Variants in ZNF676 observed in about 807,000 individuals in gnomAD.
ZNF676 encodes zinc finger protein 676.
ZNF676 carries 4 observed loss-of-function variants against 6.0 expected under a neutral mutation model. The ratio of observed to expected loss-of-function variants is 0.67; its 90% CI spans 0.33 to 1.53. The LOEUF (loss-of-function observed/expected upper bound fraction) is 1.53, where lower values mean the gene tolerates loss of function less well. ZNF676 is among the 40% of genes most tolerant of loss of function. The pLI is 0.06. For missense variants in ZNF676, 644 were observed against 679.7 expected, an observed-to-expected ratio of 0.95 and a Z score of 0.58; for synonymous variants, 198 against 223.1, an observed-to-expected ratio of 0.89 and a Z score of 1.00.
chr19:22,231,750 G>A, the ZNF676 span, among the ~76,000 whole-genome samples: 8 of 151,102 alleles, frequency 5.3e-5, no homozygotes, highest in African/African-American at 7.3e-5. Context: ...CTACAGGCGC[G>A]TGCCACCATG....
At chr19:22,232,947 T>C in the ZNF676 span, among the ~76,000 whole-genome samples, 9 of 152,048 alleles carry the variant, frequency 5.9e-5, no homozygotes, top group Admixed American at 3.9e-4. Context: ...TCTAAAAGTA[T>C]ATGGAATCTA....
chr19:22,179,622 TTTTC>T lies in ZNF676; in HGVS notation c.*324_*327del. 1 of 521,138 alleles carries T rather than the reference TTTTC, an allele frequency of 1.9e-6. No individual in the cohort carries two copies. Among genetic ancestry groups the T allele is most frequent in the Non-Finnish European group, 3.6e-6 (1 of 280,144 alleles). The allele number at this position is 521,138 out of a possible 1,614,324, so 32.3% of individuals were successfully genotyped here. A position where few individuals can be genotyped will look rare whatever the true frequency, so the allele number is the denominator to read the frequency against. On this transcript the variant is annotated 3_prime_UTR_variant, in exon 3 of 3. Coordinates refer to ENST00000397121, the MANE Select transcript of ZNF676 (RefSeq NM_001001411.3). ...GCCACGTTTTTCACATTTGTAGGGC[TTTTC>T]CTCCAGTATGAATTCTTTTATGAGT...
the ZNF676 span, among the ~76,000 whole-genome samples, chr19:22,250,710 C>A: frequency 3.3e-5 from 5 of 150,914 alleles, no homozygotes; most frequent in Admixed American, 3.3e-4. Flanking sequence ...TAAGGAATGT[C>A]ATTTCTTTTT....
the ZNF676 span, among the ~76,000 whole-genome samples, chr19:22,242,317 C>T: frequency 5.3e-5 from 8 of 151,904 alleles, no homozygotes; most frequent in Non-Finnish European, 8.8e-5. Flanking sequence ...AGGCCAAGGG[C>T]TATGTTCCAC....
At chr19:22,210,396 G>T (rs281175) in intron 1 of ZNF676, among the ~76,000 whole-genome samples, 152,109 of 152,242 alleles carry the variant, frequency 1, 75,989 homozygotes, top group Middle Eastern at 1. Flanking sequence ...TGTTTAAAAA[G>T]TGGGGACTCC....
the ZNF676 span, among the ~76,000 whole-genome samples, chr19:22,255,706 G>T: frequency 6.6e-6 from 1 of 151,936 alleles, no homozygotes; most frequent in Non-Finnish European, 1.5e-5. Context: ...TTAGCCAGGC[G>T]TGGTGGCGGG....
intron 1 of ZNF676, among the ~76,000 whole-genome samples, chr19:22,209,197 G>A (rs1446066218): frequency 2.0e-5 from 3 of 152,016 alleles, no homozygotes; most frequent in African/African-American, 7.2e-5. Flanking sequence ...GGGAGGTGGA[G>A]GTTGCAGTGA....
chr19:22,186,180 C>G (rs4578792), intron 2 of ZNF676, among the ~76,000 whole-genome samples: 34,240 of 152,130 alleles, frequency 0.23, 4,336 homozygotes, highest in South Asian at 0.42. Context: ...AACAGTGGAT[C>G]TCTCTGCAGA....
At chr19:22,199,040 C>T (rs1414967082), upstream of ZNF676, among the ~76,000 whole-genome samples, 3 of 149,774 alleles carry the variant, frequency 2.0e-5, no homozygotes, top group Non-Finnish European at 4.4e-5. Flanking sequence ...ATGGAAAGGG[C>T]ACAAGTAAAG....
At chr19:22,207,664 G>A (rs1313708944) in intron 1 of ZNF676, among the ~76,000 whole-genome samples, 1 of 152,108 alleles carries the variant, frequency 6.6e-6, no homozygotes, top group Admixed American at 6.6e-5. Flanking sequence ...AAACAAGAAA[G>A]CTGGAGGCAT....
the ZNF676 span, among the ~76,000 whole-genome samples, chr19:22,250,967 C>T: frequency 6.6e-6 from 1 of 152,248 alleles, no homozygotes; most frequent in South Asian, 2.1e-4. Flanking sequence ...TCACCTTGGT[C>T]TCCCATAGTG....
the ZNF676 span, among the ~76,000 whole-genome samples, chr19:22,233,305 G>A: frequency 6.8e-6 from 1 of 147,828 alleles, no homozygotes; most frequent in African/African-American, 2.6e-5. Context: ...CATCTCACCC[G>A]GCCCAATTTA....
At chr19:22,213,147 A>G (rs1018205747) in intron 1 of ZNF676, among the ~76,000 whole-genome samples, 6 of 152,184 alleles carry the variant, frequency 3.9e-5, no homozygotes, top group African/African-American at 1.4e-4. Context: ...TTAAGTGCTC[A>G]ATAATCATTC....
intron 1 of ZNF676, among the ~76,000 whole-genome samples, chr19:22,208,206 A>C (rs2024095080): frequency 6.6e-6 from 1 of 151,834 alleles, no homozygotes; most frequent in Non-Finnish European, 1.5e-5. Context: ...CTTCTGACAA[A>C]GGTTTACTAT....
At chr19:22,207,993 A>AAC (rs2024093056) in intron 1 of ZNF676, among the ~76,000 whole-genome samples, 2 of 151,492 alleles carry the variant, frequency 1.3e-5, no homozygotes, top group African/African-American at 4.8e-5. Context: ...TAAAAAAAAA[A>AAC]AAAACAAAAA....
the ZNF676 span, among the ~76,000 whole-genome samples, chr19:22,240,769 G>T: frequency 6.6e-6 from 1 of 151,914 alleles, no homozygotes; most frequent in Non-Finnish European, 1.5e-5. Flanking sequence ...TCCAGCCTAG[G>T]TGACTGAGTG....
chr19:22,239,785 G>T, the ZNF676 span, among the ~76,000 whole-genome samples: 1 of 152,090 alleles, frequency 6.6e-6, no homozygotes, highest in African/African-American at 2.4e-5. Flanking sequence ...CAGAGAAGAG[G>T]CACATTATGT....
intron 2 of ZNF676, among the ~76,000 whole-genome samples, chr19:22,186,841 A>T (rs2023846461): frequency 6.6e-6 from 1 of 152,224 alleles, no homozygotes; most frequent in Non-Finnish European, 1.5e-5. Context: ...AACTATCGTA[A>T]ATATATATGC....
chr19:22,194,306 A>G (rs1297850369), intron 1 of ZNF676, among the ~76,000 whole-genome samples: 1 of 152,176 alleles, frequency 6.6e-6, no homozygotes, highest in Non-Finnish European at 1.5e-5. Context: ...AGAAATGCTT[A>G]CCATAATTCT....
Sources: gnomAD v4.1 joint callset for allele counts (sites outside exome capture counted in the v4.1 genomes callset) on GRCh38, gnomAD v4.1.1 for gene constraint, MANE v1.5 for transcripts, NCBI Gene and HGNC (gene_info 2026-07-23, HGNC 2026-07-21) for gene names.